CHD9NB: variants seen among roughly 807,000 people sequenced by gnomAD.
CHD9NB encodes CHD9 neighbor protein.
chr16:53,044,582 C>G, the CHD9NB span, among the ~76,000 whole-genome samples: 2 of 152,166 alleles, frequency 1.3e-5, no homozygotes, highest in African/African-American at 4.8e-5. Context: ...TGGGACTCAC[C>G]CCCTACTTAG....
chr16:53,051,572 G>A, the CHD9NB span, among the ~76,000 whole-genome samples: 1 of 135,320 alleles, frequency 7.4e-6, no homozygotes, highest in Non-Finnish European at 1.5e-5. Context: ...TGAACAATGA[G>A]AACACTTGGA....
the CHD9NB span, among the ~76,000 whole-genome samples, chr16:53,050,977 T>C: frequency 6.6e-6 from 1 of 151,900 alleles, no homozygotes; most frequent in Admixed American, 6.6e-5. Flanking sequence ...AAGCTCCGCC[T>C]CTCGGGTTCA....
At chr16:53,042,027 T>G in the CHD9NB span, among the ~76,000 whole-genome samples, 1 of 152,340 alleles carries the variant, frequency 6.6e-6, no homozygotes, top group South Asian at 2.1e-4. Flanking sequence ...TGAACTGCTT[T>G]GCTTTTTGTG....
the CHD9NB span, among the ~76,000 whole-genome samples, chr16:53,038,300 A>G: frequency 6.6e-6 from 1 of 152,198 alleles, no homozygotes. Context: ...ATGTTTTACC[A>G]GCTATCTGGG....
chr16:53,041,088 T>C, the CHD9NB span, among the ~76,000 whole-genome samples: 1 of 151,814 alleles, frequency 6.6e-6, no homozygotes. Context: ...GCATGGATGA[T>C]GGATAATGGA....
the CHD9NB span, among the ~76,000 whole-genome samples, chr16:53,047,621 C>T: frequency 9.2e-5 from 14 of 152,218 alleles, no homozygotes; most frequent in South Asian, 2.1e-4. Context: ...CCCATCCTTA[C>T]GACGTCATTT....
the CHD9NB span, among the ~76,000 whole-genome samples, chr16:53,037,754 G>T: frequency 6.6e-6 from 1 of 152,150 alleles, no homozygotes; most frequent in Non-Finnish European, 1.5e-5. Context: ...AGGTCCAAAA[G>T]GGTTCCCACA....
the CHD9NB span, among the ~76,000 whole-genome samples, chr16:53,038,840 A>C: frequency 2.0e-5 from 3 of 152,262 alleles, no homozygotes; most frequent in African/African-American, 7.2e-5. Flanking sequence ...AAATGAGCAC[A>C]GTGTGATGGT....
At chr16:53,040,180 G>A in the CHD9NB span, among the ~76,000 whole-genome samples, 205 of 151,980 alleles carry the variant, frequency 1.3e-3, no homozygotes, top group Non-Finnish European at 2.2e-3. Flanking sequence ...AGCGATTCTC[G>A]TGCGTCAGCC....
chr16:53,036,828 C>A, the CHD9NB span, among the ~76,000 whole-genome samples: 4 of 152,304 alleles, frequency 2.6e-5, no homozygotes, highest in East Asian at 7.7e-4. Context: ...ATCCGCCCAC[C>A]CCTTGTTCCC....
the CHD9NB span, among the ~76,000 whole-genome samples, chr16:53,039,956 A>G: frequency 6.6e-6 from 1 of 152,154 alleles, no homozygotes; most frequent in Non-Finnish European, 1.5e-5. Flanking sequence ...GATACTAACC[A>G]GTCAAAAGCC....
At chr16:53,036,623 GC>G in the CHD9NB span, among the ~76,000 whole-genome samples, 1 of 152,134 alleles carries the variant, frequency 6.6e-6, no homozygotes, top group Non-Finnish European at 1.5e-5. Context: ...TCTCACTCCT[GC>G]CTTGAATCAA....
the CHD9NB span, among the ~76,000 whole-genome samples, chr16:53,041,331 A>G: frequency 1.3e-5 from 2 of 152,256 alleles, no homozygotes; most frequent in African/African-American, 4.8e-5. Context: ...CAGACGAGTG[A>G]TGCTAGGCTC....
chr16:53,038,128 G>C, the CHD9NB span, among the ~76,000 whole-genome samples: 1 of 152,172 alleles, frequency 6.6e-6, no homozygotes, highest in Admixed American at 6.5e-5. Context: ...GACAAGAGAA[G>C]ATGGATGTCC....
the CHD9NB span, among the ~76,000 whole-genome samples, chr16:53,047,992 C>CA: frequency 1.3e-4 from 8 of 62,820 alleles, no homozygotes; most frequent in East Asian, 1.8e-3. Flanking sequence ...GAGACACTGT[C>CA]AAAAAAAAAG....
chr16:53,041,935 G>A, the CHD9NB span, among the ~76,000 whole-genome samples: 4 of 152,178 alleles, frequency 2.6e-5, no homozygotes, highest in African/African-American at 9.7e-5. Context: ...GCAGGGCTTT[G>A]GGCCAGCTGA....
the CHD9NB span, among the ~76,000 whole-genome samples, chr16:53,045,393 T>C: frequency 6.6e-6 from 1 of 152,214 alleles, no homozygotes; most frequent in Non-Finnish European, 1.5e-5. Context: ...TTTTTGCAGC[T>C]GTGAGCAATC....
the CHD9NB span, among the ~76,000 whole-genome samples, chr16:53,041,881 G>A: frequency 6.6e-6 from 1 of 152,110 alleles, no homozygotes; most frequent in African/African-American, 2.4e-5. Context: ...GCAAGCCCAG[G>A]CCTGTTTCCT....
the CHD9NB span, among the ~76,000 whole-genome samples, chr16:53,050,978 C>G: frequency 7.6e-4 from 115 of 151,944 alleles, no homozygotes; most frequent in African/African-American, 2.7e-3. Context: ...AGCTCCGCCT[C>G]TCGGGTTCAC....
Sources: gnomAD v4.1 joint callset for allele counts (sites outside exome capture counted in the v4.1 genomes callset) on GRCh38, gnomAD v4.1.1 for gene constraint, MANE v1.5 for transcripts, NCBI Gene and HGNC (gene_info 2026-07-23, HGNC 2026-07-21) for gene names.